Variants in SDCBP2 observed in about 807,000 individuals in gnomAD.
SDCBP2 encodes the protein syndecan binding protein 2, also known as syntenin-2.
A neutral mutation model predicts 30.7 loss-of-function variants in SDCBP2; 28 were observed. The observed-to-expected ratio is 0.91, with a 90% CI of 0.68 to 1.25. SDCBP2 has a LOEUF of 1.25. Ranked by LOEUF, SDCBP2 falls within the 50% of genes most tolerant of loss-of-function variation. The pLI, the probability that SDCBP2 is intolerant of heterozygous loss-of-function variation, is 0.00. For synonymous variants in SDCBP2, 166 were observed against 157.3 expected (o/e 1.06, Z -0.41); for missense variants, 399 against 379.0 (o/e 1.05, Z -0.44).
chr20:1,314,044 C>T (rs867345946), intron 4 of SDCBP2, among the ~76,000 whole-genome samples: 1 of 152,060 alleles, frequency 6.6e-6, no homozygotes, highest in Non-Finnish European at 1.5e-5. Context: ...ATAGATGGCA[C>T]GATGGTCTAC....
intron 7 of SDCBP2, among the ~76,000 whole-genome samples, chr20:1,311,924 G>A (rs1316319008): frequency 1.6e-5 from 2 of 126,104 alleles, no homozygotes; most frequent in African/African-American, 4.1e-5. Flanking sequence ...TTTGGAGACA[G>A]GGTCTCTCTC....
chr20:1,312,382 G>T lies in SDCBP2; in HGVS notation c.687C>A (p.Asn229Lys). 4 of 1,613,600 alleles carry T rather than the reference G, an allele frequency of 2.5e-6. No individual in the cohort carries two copies. Among genetic ancestry groups the T allele is most frequent in the Non-Finnish European group, 3.4e-6 (4 of 1,179,806 alleles). The change falls in exon 7 of 9, where the codon AAC (asparagine) becomes AAA (lysine). Residue 229 changes from asparagine (N) to lysine (K), a missense_variant. Coordinates refer to ENST00000360779, the MANE Select transcript of SDCBP2 (RefSeq NM_080489.5). Reference sequence around the variant, plus strand: ...GCCCGTCCACCTCACACACGTAGTGGTTGGTGAGGAGCCCGTTGCGGGCCG... The same window carrying T: ...GCCCGTCCACCTCACACACGTAGTGTTTGGTGAGGAGCCCGTTGCGGGCCG... ...SSAARNGLLTNHYVCEVDGQN... is the reference protein window; with the variant it reads ...SSAARNGLLTKHYVCEVDGQN...
At chr20:1,312,244 GA>G in intron 7 of SDCBP2, 92 bp downstream of exon 7, 1 of 1,270,140 alleles carries the variant, frequency 7.9e-7, no homozygotes, top group South Asian at 1.4e-5. Context: ...TTAGGAAGAG[GA>G]TGCTGAGGCT....
In SDCBP2 at chr20:1,312,051, C is replaced by A. The variant is rs529136480; in HGVS notation, c.732+286G>T. On this transcript the variant is annotated intron_variant, in intron 7 of 8. Transcript: ENST00000360779. ...AGTAGCTAGGACTACAGGTGTGCAC[C>A]ACCACGCTTGGCTAATTTTTTAGTT... Among the ~76,000 whole-genome samples, 16 of 151,362 alleles carry A rather than the reference C, an allele frequency of 1.1e-4. No homozygotes were observed. The South Asian group carries it at 1.3e-3, about 12-fold the overall frequency.
At chr20:1,325,375 G>A (rs946583175) in intron 1 of SDCBP2, 3 of 152,376 alleles carry the variant, frequency 2.0e-5, no homozygotes, top group Admixed American at 6.5e-5. Context: ...CGCCCACCCA[G>A]GCCCGGGCGC....
chr20:1,312,574 C>T lies in SDCBP2; in HGVS notation c.560+13G>A, dbSNP rs747746270. 6 of 1,613,230 alleles carry T rather than the reference C, an allele frequency of 3.7e-6. No individual in the cohort carries two copies. The Admixed American group carries it at 5.0e-5, about 13-fold the overall frequency. On this transcript the variant is annotated intron_variant, in intron 6 of 8. Transcript: ENST00000360779. Reference sequence around the variant, plus strand: ...GGGTGAGACGGAGAGGCTGCCCGGGCCTGGCTACTCACCTGTCCCGAACCA... The same window carrying T: ...GGGTGAGACGGAGAGGCTGCCCGGGTCTGGCTACTCACCTGTCCCGAACCA...
At position 1,319,601 on chromosome 20, in the gene SDCBP2, G is replaced by A; in HGVS notation, c.113C>T (p.Ser38Phe). Residue 38 changes from serine to phenylalanine, a missense_variant, in exon 3 of 9, where the codon TCC (serine) becomes TTC (phenylalanine). Transcript: ENST00000360779. ...PALPVQATAI[S>F]PPPVLYPNLA... is the part of the protein sequence containing the mutation. ...CCCAGCCCACTCACCTGGTGGTGGG[G>A]AAATGGCTGTTGCCTGGACTGGCAG... 1 of 1,570,642 alleles carries A rather than the reference G, an allele frequency of 6.4e-7. No individual in the cohort carries two copies. Among genetic ancestry groups the A allele is most frequent in the Non-Finnish European group, 8.6e-7 (1 of 1,156,976 alleles).
chr20:1,310,504 A>G lies in SDCBP2; in HGVS notation c.825-9T>C. The stretch of plus-strand genomic sequence containing the variant: ...GCAGGACTGGAGGCAACCTGGATAC[A>G]GCAACAACAGTGACCAGGTTGGCAG... On this transcript the variant is annotated splice_polypyrimidine_tract_variant and intron_variant, in intron 8 of 8. Coordinates refer to ENST00000360779, the MANE Select transcript of SDCBP2 (RefSeq NM_080489.5). 6.2e-7 allele frequency: 1 copy of G among 1,613,412 alleles called. No individual in the cohort carries two copies. Among genetic ancestry groups the G allele is most frequent in the Non-Finnish European group, 8.5e-7 (1 of 1,179,734 alleles).
Position 1,312,506 on chromosome 20 carries a change from G to C in SDCBP2, c.563C>G (p.Pro188Arg). The change falls in exon 7 of 9, where the codon CCG (proline) becomes CGG (arginine). Residue 188 changes from proline to arginine, a missense_variant and splice_region_variant. Pro to Arg is a moderately radical substitution (Grantham distance 103). Coordinates refer to ENST00000360779, the MANE Select transcript of SDCBP2 (RefSeq NM_080489.5). ...GTGCATGGTGACAGTCCGCTGGAACGGCCTGGCAGGAGGGACAGTGAGCTG... is the reference window on the plus strand; with the variant it reads ...GTGCATGGTGACAGTCCGCTGGAACCGCCTGGCAGGAGGGACAGTGAGCTG... ...DKIVVVVRDR[P>R]FQRTVTMHKD... 6.2e-7 allele frequency: 1 copy of C among 1,614,132 alleles called. No individual in the cohort carries two copies. Among genetic ancestry groups the C allele is most frequent in the Non-Finnish European group, 8.5e-7 (1 of 1,180,016 alleles).
At chr20:1,328,053 G>T (rs1371213845) in intron 1 of SDCBP2, among the ~76,000 whole-genome samples, 1 of 152,188 alleles carries the variant, frequency 6.6e-6, no homozygotes, top group Admixed American at 6.5e-5. Flanking sequence ...GCTGGGTGGG[G>T]TGACATTTGA....
In SDCBP2 at chr20:1,312,672, C is replaced by T; in HGVS notation, c.475G>A (p.Asp159Asn). 1 of 1,614,188 alleles carries T rather than the reference C, an allele frequency of 6.2e-7. No individual in the cohort carries two copies. Among genetic ancestry groups the T allele is most frequent in the African/African-American group, 1.3e-5 (1 of 75,060 alleles). ...TTGTGCGAGCTCCACCCAGCACAGT[C>T]ACGCCCGTCAATCTGCAGGAGCTGG... ...GDQLLQIDGR[D>N]CAGWSSHKAH... Residue 159 changes from aspartate (D) to asparagine (N), a missense_variant, in exon 6 of 9, where the codon GAC becomes AAC. Physicochemically the swap from Asp to Asn is conservative, Grantham distance 23 (BLOSUM62 1). Coordinates refer to ENST00000360779, the MANE Select transcript of SDCBP2 (RefSeq NM_080489.5).
chr20:1,314,948 T>C (rs2088754215), intron 4 of SDCBP2, among the ~76,000 whole-genome samples: 1 of 152,252 alleles, frequency 6.6e-6, no homozygotes, highest in South Asian at 2.1e-4. Flanking sequence ...TATACAGATA[T>C]AACACCATTT....
At position 1,312,565 on chromosome 20, in the gene SDCBP2, C is replaced by A. The variant is rs193062317; in HGVS notation, c.560+22G>T. On this transcript the variant is annotated intron_variant, in intron 6 of 8. Coordinates refer to ENST00000360779, the MANE Select transcript of SDCBP2 (RefSeq NM_080489.5). The stretch of plus-strand genomic sequence containing the variant: ...ACATGGCTGGGGTGAGACGGAGAGG[C>A]TGCCCGGGCCTGGCTACTCACCTGT... The A allele has an allele frequency of 8.4e-4, 1,348 of 1,613,216 alleles. 14 individuals carry two copies. In the African/African-American group the frequency reaches 0.016, roughly 19 times the overall value.
chr20:1,315,348 G>A (rs1320764557), intron 4 of SDCBP2, among the ~76,000 whole-genome samples: 1 of 152,088 alleles, frequency 6.6e-6, no homozygotes, highest in Non-Finnish European at 1.5e-5. Context: ...TGGGCAACAG[G>A]GTGAAACCTC....
At position 1,321,696 on chromosome 20, in the gene SDCBP2, A is replaced by G. The variant is rs2088852339; in HGVS notation, c.-19-1261T>C. On this transcript the variant is annotated intron_variant, in intron 1 of 8. Coordinates refer to ENST00000360779, the MANE Select transcript of SDCBP2 (RefSeq NM_080489.5). The surrounding 1 kb of genome is among the most constrained non-coding windows in gnomAD (Gnocchi z 5.2). ...TGCCTTGGGAATGTACTCTCCTTAA[A>G]GAGGCTCACAGGGCCTTCACGATTC... 6.6e-6 allele frequency: 1 copy of G among 152,276 alleles called. No homozygotes were observed. The highest frequency in any genetic ancestry group is 1.5e-5 in the Non-Finnish European group (1 of 68,064). 9.4% of individuals were successfully genotyped at this position (152,276 alleles called of 1,614,324 possible). A position where few individuals can be genotyped will look rare whatever the true frequency, so the allele number is the denominator to read the frequency against.
In SDCBP2 at chr20:1,319,578, C is replaced by CA. The variant is rs2088825192; in HGVS notation, c.124+11dup. The CA allele has an allele frequency of 1.9e-6, 3 of 1,560,998 alleles. No individual in the cohort carries two copies. In the African/African-American group the frequency reaches 4.0e-5, roughly 21 times the overall value. On this transcript the variant is annotated intron_variant, in intron 3 of 8. Transcript: ENST00000360779. Reference sequence around the variant, plus strand: ...CTTGGCACCCAGGAGCCCCTCATCCCAGCCCACTCACCTGGTGGTGGGGAA... The same window carrying CA: ...CTTGGCACCCAGGAGCCCCTCATCCCAAGCCCACTCACCTGGTGGTGGGGAA...
At chr20:1,323,402 C>T (rs1162366021) in intron 1 of SDCBP2, 2 of 152,176 alleles carry the variant, frequency 1.3e-5, no homozygotes, top group Non-Finnish European at 1.5e-5. Context: ...CCTGATTTTC[C>T]TAACATTTAA....
chr20:1,312,305 G>C lies in SDCBP2; in HGVS notation c.732+32C>G, dbSNP rs1214817736. On this transcript the variant is annotated intron_variant, in intron 7 of 8. Transcript: ENST00000360779. ...AAGACCTGAGCCCTCCCACCACCCG[G>C]CAGTCCCTCCCTGGTGCGGCCACCA... 1.9e-6 allele frequency: 3 copies of C among 1,602,684 alleles called. No individual in the cohort carries two copies. In the Admixed American group the frequency reaches 5.0e-5, roughly 27 times the overall value.
At chr20:1,326,189 G>A (rs973705376) in intron 1 of SDCBP2, among the ~76,000 whole-genome samples, 11 of 152,202 alleles carry the variant, frequency 7.2e-5, no homozygotes, top group African/African-American at 2.7e-4. Context: ...GAGTCCAGTT[G>A]CCTTCTGGAT....
Sources: gnomAD v4.1 joint callset for allele counts (sites outside exome capture counted in the v4.1 genomes callset) on GRCh38, gnomAD v4.1.1 for gene constraint, Gnocchi (gnomAD v3.1) non-coding constraint, MANE v1.5 for transcripts, NCBI Gene and HGNC (gene_info 2026-07-23, HGNC 2026-07-21) for gene names.